Variants in TENM2 observed in about 807,000 individuals in gnomAD.
The protein encoded by TENM2 is teneurin-2.
TENM2 carries 52 observed loss-of-function variants against 245.2 expected under a neutral mutation model. The observed-to-expected ratio is 0.21, with a 90% CI of 0.17 to 0.27. TENM2 has a LOEUF of 0.27. TENM2 is among the 10% of genes least tolerant of loss of function. The probability of loss-of-function intolerance (pLI) is 1.00; values close to 1 mark genes in which losing one functional copy is unlikely to be tolerated. For synonymous variants in TENM2, 1,363 were observed against 1,438.9 expected (o/e 0.95, Z 1.19); for missense variants, 3,046 against 3,666.8 (o/e 0.83, Z 4.37).
chr5:168,079,990 G>T (rs1791835879), intron 7 of TENM2, among the ~76,000 whole-genome samples: 1 of 152,168 alleles, frequency 6.6e-6, no homozygotes, highest in Non-Finnish European at 1.5e-5. Context: ...AATTGGAATA[G>T]TTTCAGAAGG....
chr5:167,112,853 G>A, the TENM2 span, among the ~76,000 whole-genome samples: 2 of 152,202 alleles, frequency 1.3e-5, no homozygotes, highest in Non-Finnish European at 1.5e-5. Flanking sequence ...GAGTAGAGGT[G>A]TGGCATCAAG....
At chr5:168,016,218 C>T (rs1331817259) in intron 5 of TENM2, among the ~76,000 whole-genome samples, 8 of 152,200 alleles carry the variant, frequency 5.3e-5, no homozygotes, top group African/African-American at 7.2e-5. Flanking sequence ...CTGAGGCTTA[C>T]GGATGTTAAG....
chr5:168,054,294 G>A (rs1023687435), intron 6 of TENM2, among the ~76,000 whole-genome samples: 1 of 152,222 alleles, frequency 6.6e-6, no homozygotes, highest in African/African-American at 2.4e-5. Context: ...GCAGGGTGAA[G>A]GCTGATGGGT....
exon 4 of TENM2, chr5:167,952,704 A>T: frequency 6.2e-7 from 1 of 1,611,110 alleles, no homozygotes; most frequent in Non-Finnish European, 8.5e-7. Flanking sequence ...CTCACTGACC[A>T]ATCGGCGGAG....
rs1285291430 is a variant in TENM2, at chr5:168,162,604, C to T, written c.2423-7C>T. Reference sequence around the variant, plus strand: ...CTCCTTCTCATCCTCTCCATTTCTCCAACCAGATGGCTGCCCTGACTTGTG... The same window carrying T: ...CTCCTTCTCATCCTCTCCATTTCTCTAACCAGATGGCTGCCCTGACTTGTG... On this transcript the variant is annotated splice_region_variant and splice_polypyrimidine_tract_variant and intron_variant, in intron 12 of 28. Coordinates refer to ENST00000518659, the Ensembl canonical transcript of TENM2. 1 of 1,612,946 alleles carries T rather than the reference C, an allele frequency of 6.2e-7. No homozygotes were observed. The highest frequency in any genetic ancestry group is 1.3e-5 in the African/African-American group (1 of 74,926).
chr5:167,949,313 G>A (rs1483681410), intron 3 of TENM2, among the ~76,000 whole-genome samples: 1 of 152,150 alleles, frequency 6.6e-6, no homozygotes, highest in Non-Finnish European at 1.5e-5. Flanking sequence ...TTCAAGAGAA[G>A]TCAGAAATCT....
chr5:167,175,377 A>G, the TENM2 span, among the ~76,000 whole-genome samples: 1 of 152,254 alleles, frequency 6.6e-6, no homozygotes, highest in African/African-American at 2.4e-5. Flanking sequence ...AAGCTTTAAA[A>G]TGATGTAATA....
At chr5:167,463,759 C>T (rs1766475242) in intron 2 of TENM2, among the ~76,000 whole-genome samples, 1 of 152,092 alleles carries the variant, frequency 6.6e-6, no homozygotes, top group Non-Finnish European at 1.5e-5. Flanking sequence ...GCCCCCCAGA[C>T]TGTTGGGATT....
intron 2 of TENM2, among the ~76,000 whole-genome samples, chr5:167,795,353 T>C (rs958286265): frequency 3.3e-5 from 5 of 152,188 alleles, no homozygotes; most frequent in African/African-American, 4.8e-5. Flanking sequence ...TGGGGAAAGA[T>C]AATATTTATG....
chr5:166,979,934 T>G, the TENM2 span, among the ~76,000 whole-genome samples: 10 of 152,196 alleles, frequency 6.6e-5, no homozygotes, highest in Non-Finnish European at 1.2e-4. Flanking sequence ...TTCTCCAGGA[T>G]TACAATGCAT....
intron 2 of TENM2, among the ~76,000 whole-genome samples, chr5:167,689,052 G>A (rs1351700059): frequency 6.6e-6 from 1 of 152,170 alleles, no homozygotes; most frequent in East Asian, 1.9e-4. Flanking sequence ...TGAACTTCCG[G>A]AAAAACGTTG....
At chr5:168,162,840 G>C in intron 13 of TENM2, 83 bp downstream of exon 15, 1 of 1,474,268 alleles carries the variant, frequency 6.8e-7, no homozygotes. Context: ...TCTTCGGAAA[G>C]ACCTCCCCTG....
At chr5:167,374,168 A>G (rs1369872980) in intron 1 of TENM2, among the ~76,000 whole-genome samples, 1 of 152,240 alleles carries the variant, frequency 6.6e-6, no homozygotes, top group East Asian at 1.9e-4. Context: ...GACCACATAT[A>G]CAACATGGTC....
intron 12 of TENM2, among the ~76,000 whole-genome samples, chr5:168,158,364 T>A (rs958101586): frequency 6.6e-6 from 1 of 152,218 alleles, no homozygotes; most frequent in East Asian, 1.9e-4. Flanking sequence ...TTTATAGATA[T>A]GAGGCAGGCA....
chr5:167,923,921 G>A (rs1350467833), intron 3 of TENM2, among the ~76,000 whole-genome samples: 1 of 152,164 alleles, frequency 6.6e-6, no homozygotes, highest in Non-Finnish European at 1.5e-5. Context: ...AGGTGTGACT[G>A]TCAAGCAGAA....
At position 167,960,372 on chromosome 5, in the gene TENM2, T is replaced by C. The variant is rs775594384; in HGVS notation, c.947+7550T>C. ...TAAGCCTCTGACTGGGTCTGCTGCC[T>C]TTCTTTCAAAGGTACCCTGCCCAGA... On this transcript the variant is annotated intron_variant, in intron 4 of 28. Coordinates refer to ENST00000518659, the Ensembl canonical transcript of TENM2. Among the ~76,000 whole-genome samples the C allele has an allele frequency of 7.9e-5, 12 of 152,318 alleles. No homozygotes were observed. The Middle Eastern group carries it at 0.01, about 130-fold the overall frequency.
chr5:168,153,627 A>G (rs895007116), intron 12 of TENM2, among the ~76,000 whole-genome samples: 7 of 152,260 alleles, frequency 4.6e-5, no homozygotes, highest in Non-Finnish European at 8.8e-5. Context: ...GCAGGGCCAG[A>G]TAATGCAGGG....
intron 2 of TENM2, among the ~76,000 whole-genome samples, chr5:167,872,531 AGAAAGAAAGAAAGAAAG>A (rs1773030159): frequency 2.0e-5 from 1 of 50,556 alleles, no homozygotes; most frequent in South Asian, 7.5e-4. Flanking sequence ...AAAGAAAGAA[AGAAAGAAAGAAAGAAAG>A]AGAAAGAAAG....
chr5:167,545,378 A>G (rs1019698592), intron 2 of TENM2, among the ~76,000 whole-genome samples: 2 of 152,190 alleles, frequency 1.3e-5, no homozygotes, highest in African/African-American at 4.8e-5. Context: ...ACTTTTAAAA[A>G]TAGTCTATGA....
Sources: gnomAD v4.1 joint callset for allele counts (sites outside exome capture counted in the v4.1 genomes callset) on GRCh38, gnomAD v4.1.1 for gene constraint, MANE v1.5 for transcripts, NCBI Gene and HGNC (gene_info 2026-07-23, HGNC 2026-07-21) for gene names.